Variants in MCF2L2 observed in about 807,000 individuals in gnomAD.
MCF2L2 encodes probable guanine nucleotide exchange factor MCF2L2.
A neutral mutation model predicts 150.2 loss-of-function variants in MCF2L2; 102 were observed. The ratio of observed to expected loss-of-function variants is 0.68; its 90% CI spans 0.58 to 0.80. The LOEUF is 0.80. Ranked by LOEUF, MCF2L2 falls within the 30% of genes least tolerant of loss-of-function variation. MCF2L2 has a pLI of 0.00. For missense variants in MCF2L2, 1,256 were observed against 1,372.8 expected (o/e 0.91, Z 1.34); for synonymous variants, 465 against 491.3 (o/e 0.95, Z 0.71).
chr3:183,325,210 A>G (rs1729976280), intron 5 of MCF2L2, among the ~76,000 whole-genome samples: 1 of 151,730 alleles, frequency 6.6e-6, no homozygotes, highest in Non-Finnish European at 1.5e-5. Flanking sequence ...TGGCACATGT[A>G]TACATATGTA....
At chr3:183,351,224 AT>A (rs1560034979) in intron 3 of MCF2L2, among the ~76,000 whole-genome samples, 16 of 88,014 alleles carry the variant, frequency 1.8e-4, no homozygotes, top group East Asian at 8.1e-4. Flanking sequence ...ATATATATAT[AT>A]ATATATATAT....
intron 15 of MCF2L2, among the ~76,000 whole-genome samples, chr3:183,251,842 C>A (rs776551962): frequency 6.6e-6 from 1 of 151,780 alleles, no homozygotes; most frequent in South Asian, 2.1e-4. Flanking sequence ...GTGATCTGAG[C>A]TTGTGTGGAT....
At chr3:183,374,830 C>T (rs1289583893) in intron 3 of MCF2L2, 1 of 152,204 alleles carries the variant, frequency 6.6e-6, no homozygotes, top group Non-Finnish European at 1.5e-5. Context: ...GGAATGCTCC[C>T]TTCTGTATCT....
intron 14 of MCF2L2, 103 bp from the exon 15 acceptor site, chr3:183,277,060 T>C: frequency 1.4e-6 from 1 of 714,960 alleles, no homozygotes; most frequent in Non-Finnish European, 2.4e-6. Flanking sequence ...TTTGAGTCTC[T>C]CGATAAGCAA....
intron 2 of MCF2L2, among the ~76,000 whole-genome samples, chr3:183,389,015 C>G (rs1394993478): frequency 6.6e-6 from 1 of 152,142 alleles, no homozygotes; most frequent in African/African-American, 2.4e-5. Flanking sequence ...ATGTTATATA[C>G]TAAGGATATC....
At chr3:183,413,173 A>G (rs74639792) in intron 1 of MCF2L2, among the ~76,000 whole-genome samples, 8,738 of 152,208 alleles carry the variant, frequency 0.057, 455 homozygotes, top group African/African-American at 0.14. Flanking sequence ...TGAACAATGT[A>G]GGAGCTGGGG....
intron 1 of MCF2L2, among the ~76,000 whole-genome samples, chr3:183,397,121 A>C (rs929503284): frequency 6.6e-6 from 1 of 152,268 alleles, no homozygotes; most frequent in African/African-American, 2.4e-5. Context: ...AATTCATAGA[A>C]TATAGCCAAT....
intron 13 of MCF2L2, among the ~76,000 whole-genome samples, chr3:183,293,033 A>C (rs1436605819): frequency 6.6e-6 from 1 of 152,256 alleles, no homozygotes; most frequent in Non-Finnish European, 1.5e-5. Flanking sequence ...ATGGATGTAA[A>C]CATAAAAATC....
intron 5 of MCF2L2, among the ~76,000 whole-genome samples, chr3:183,328,334 A>AC (rs769227751): frequency 3.9e-5 from 6 of 152,042 alleles, no homozygotes; most frequent in South Asian, 2.1e-4. Flanking sequence ...GGCTGTCAGA[A>AC]CCCCCCTAAT....
At chr3:183,368,315 G>C (rs899788305) in intron 3 of MCF2L2, among the ~76,000 whole-genome samples, 1 of 152,230 alleles carries the variant, frequency 6.6e-6, no homozygotes, top group East Asian at 1.9e-4. Flanking sequence ...TAGACCACTG[G>C]CCAACAAACT....
At chr3:183,273,602 C>T (rs1306654083) in intron 15 of MCF2L2, among the ~76,000 whole-genome samples, 1 of 152,126 alleles carries the variant, frequency 6.6e-6, no homozygotes, top group Non-Finnish European at 1.5e-5. Flanking sequence ...CACAAAATGA[C>T]GTTTCGGTTA....
At chr3:183,396,835 A>G (rs1049029258) in intron 1 of MCF2L2, among the ~76,000 whole-genome samples, 1 of 152,200 alleles carries the variant, frequency 6.6e-6, no homozygotes, top group African/African-American at 2.4e-5. Flanking sequence ...GAAGACAGAA[A>G]CATGGAGAAA....
intron 3 of MCF2L2, among the ~76,000 whole-genome samples, chr3:183,354,296 G>A (rs1711633023): frequency 6.6e-6 from 1 of 152,158 alleles, no homozygotes; most frequent in Admixed American, 6.5e-5. Flanking sequence ...CCGCAAAGCT[G>A]TCTCTTGTGG....
intron 26 of MCF2L2, among the ~76,000 whole-genome samples, chr3:183,194,744 GATTT>G (rs1471480578): frequency 6.6e-6 from 1 of 152,046 alleles, no homozygotes; most frequent in Non-Finnish European, 1.5e-5. Context: ...GTTGCGAACT[GATTT>G]ATTATTTAAT....
In MCF2L2 at chr3:183,179,094, T is replaced by C. The variant is rs1721416111; in HGVS notation, c.*286A>G. ...ACAGAGAAGCCCACGCAGCAAAGAA[T>C]TGCCCGGCTCCGAATATCGAAGTGC... is the stretch of plus-strand genomic sequence containing the variant. On this transcript the variant is annotated 3_prime_UTR_variant, in exon 30 of 30. Transcript: ENST00000328913. The surrounding 1 kb of genome is among the most constrained non-coding windows in gnomAD (Gnocchi z 4.2). The C allele has an allele frequency of 2.8e-6, 1 of 353,612 alleles. No individual in the cohort carries two copies. The highest frequency in any genetic ancestry group is 5.0e-6 in the Non-Finnish European group (1 of 198,388). The allele number at this position is 353,612 out of a possible 1,614,324, so 21.9% of individuals were successfully genotyped here. A position where few individuals can be genotyped will look rare whatever the true frequency, so the allele number is the denominator to read the frequency against.
intron 5 of MCF2L2, among the ~76,000 whole-genome samples, chr3:183,337,549 T>C: frequency 1.1e-5 from 1 of 94,846 alleles, no homozygotes; most frequent in Non-Finnish European, 1.9e-5. Context: ...CAAGACTCCA[T>C]CTCAAAAAAA....
intron 1 of MCF2L2, among the ~76,000 whole-genome samples, chr3:183,402,014 A>T (rs762889189): frequency 3.9e-5 from 6 of 152,204 alleles, no homozygotes; most frequent in Non-Finnish European, 8.8e-5. Context: ...TCTTTTCCCA[A>T]AGCAGTTGTA....
chr3:183,277,703 A>G (rs947138934), intron 14 of MCF2L2, among the ~76,000 whole-genome samples: 1 of 149,896 alleles, frequency 6.7e-6, no homozygotes, highest in Non-Finnish European at 1.5e-5. Context: ...GGGTTTCACC[A>G]TGTTGGCTAG....
intron 27 of MCF2L2, among the ~76,000 whole-genome samples, chr3:183,188,020 A>T (rs472795): frequency 6.6e-6 from 1 of 152,138 alleles, no homozygotes; most frequent in Admixed American, 6.5e-5. Context: ...CTGCTTAACA[A>T]AGGCCGAGAG....
Sources: allele counts gnomAD v4.1 joint callset (sites outside exome capture counted in the v4.1 genomes callset), GRCh38; gene constraint gnomAD v4.1.1; non-coding constraint Gnocchi (gnomAD v3.1); transcripts MANE v1.5; gene names NCBI Gene and HGNC (gene_info 2026-07-23, HGNC 2026-07-21).